The following LUZP2 variants were observed in gnomAD, a reference collection of about 807,000 sequenced individuals.
The protein encoded by LUZP2 is leucine zipper protein 2.
A neutral mutation model predicts 51.6 loss-of-function variants in LUZP2; 52 were observed. The ratio of observed to expected loss-of-function variants is 1.01; its 90% CI spans 0.81 to 1.27. The LOEUF is 1.27. Among genes scored for constraint, LUZP2 ranks in the 50% most tolerant of loss-of-function variants. LUZP2 has a pLI of 0.00. For synonymous variants in LUZP2, 154 were observed against 137.3 expected, an observed-to-expected ratio of 1.12 and a Z score of -0.85; for missense variants, 436 against 395.4, an observed-to-expected ratio of 1.10 and a Z score of -0.87.
In LUZP2 at chr11:24,897,875, T is replaced by G. The variant is rs117030107; in HGVS notation, c.397-8116T>G. Among the ~76,000 whole-genome samples the G allele has an allele frequency of 4.5e-3, 693 of 152,330 alleles. 3 individuals carry two copies. Among genetic ancestry groups the G allele is most frequent in the Admixed American group, 9.2e-3 (140 of 15,300 alleles). The stretch of plus-strand genomic sequence containing the variant: ...ATTCTCAAGGAGATTTTCATCTTTG[T>G]CCTCTTCCTTTTGCCTTGCCTTTAA... On this transcript the variant is annotated intron_variant, in intron 5 of 11. Coordinates refer to ENST00000336930, the MANE Select transcript of LUZP2 (RefSeq NM_001009909.4).
chr11:24,727,994 T>C (rs1325575896), intron 1 of LUZP2, among the ~76,000 whole-genome samples: 1 of 152,068 alleles, frequency 6.6e-6, no homozygotes, highest in Admixed American at 6.6e-5. Flanking sequence ...AGAAATTATA[T>C]ATGTATATAT....
intron 1 of LUZP2, among the ~76,000 whole-genome samples, chr11:24,497,765 C>A (rs1266138090): frequency 2.6e-5 from 4 of 152,148 alleles, no homozygotes; most frequent in African/African-American, 7.2e-5. Flanking sequence ...ACAGATTAAT[C>A]CTGGAAGATG....
intron 1 of LUZP2, among the ~76,000 whole-genome samples, chr11:24,675,811 A>AGTTG (rs1554971927): frequency 6.8e-6 from 1 of 147,748 alleles, no homozygotes; most frequent in Non-Finnish European, 1.5e-5. Flanking sequence ...TTATTTATTT[A>AGTTG]TTTATTTATT....
intron 1 of LUZP2, among the ~76,000 whole-genome samples, chr11:24,591,207 C>T (rs1853248469): frequency 6.6e-6 from 1 of 151,966 alleles, no homozygotes; most frequent in African/African-American, 2.4e-5. Context: ...TGGAAACATC[C>T]AAGTGGGTAA....
intron 5 of LUZP2, among the ~76,000 whole-genome samples, chr11:24,799,610 T>G (rs1314078735): frequency 6.8e-6 from 1 of 146,538 alleles, no homozygotes; most frequent in African/African-American, 2.5e-5. Flanking sequence ...AAATGAAAAA[T>G]GCAAACCAGG....
intron 9 of LUZP2, among the ~76,000 whole-genome samples, chr11:25,021,424 G>GTT (rs1384487124): frequency 7.1e-5 from 3 of 42,552 alleles, no homozygotes; most frequent in African/African-American, 1.1e-4. Context: ...GTGCACACAG[G>GTT]TTGTGTGTGT....
At chr11:24,726,471 T>C (rs1044290974) in intron 1 of LUZP2, among the ~76,000 whole-genome samples, 13 of 148,782 alleles carry the variant, frequency 8.7e-5, no homozygotes, top group African/African-American at 7.4e-5. Flanking sequence ...AATTAAAAAT[T>C]AAAAAAAAAA....
intron 3 of LUZP2, among the ~76,000 whole-genome samples, chr11:24,734,532 T>A (rs1310362916): frequency 5.9e-5 from 9 of 151,908 alleles, no homozygotes; most frequent in Non-Finnish European, 1.3e-4. Flanking sequence ...ATTAAAAACT[T>A]GTTTAAAATG....
At chr11:24,945,517 GTT>G (rs5790446) in intron 7 of LUZP2, among the ~76,000 whole-genome samples, 1,628 of 140,524 alleles carry the variant, frequency 0.012, 27 homozygotes, top group East Asian at 0.072. Flanking sequence ...AAATTTGCCT[GTT>G]TTTTTTTTTT....
At chr11:24,793,228 T>C (rs1849454654) in intron 5 of LUZP2, among the ~76,000 whole-genome samples, 1 of 152,148 alleles carries the variant, frequency 6.6e-6, no homozygotes, top group African/African-American at 2.4e-5. Context: ...CCTTTCCTTG[T>C]GTCAAAGTTC....
At chr11:24,752,849 A>G (rs1859644385) in intron 4 of LUZP2, among the ~76,000 whole-genome samples, 1 of 152,162 alleles carries the variant, frequency 6.6e-6, no homozygotes, top group South Asian at 2.1e-4. Context: ...TAAATTTAAT[A>G]ATTTAATTTT....
At chr11:24,550,817 T>C (rs912080047) in intron 1 of LUZP2, among the ~76,000 whole-genome samples, 1 of 152,042 alleles carries the variant, frequency 6.6e-6, no homozygotes, top group Non-Finnish European at 1.5e-5. Context: ...CTTATACCTG[T>C]AATCCCAGCA....
chr11:24,566,009 G>T (rs1852200738), intron 1 of LUZP2, among the ~76,000 whole-genome samples: 2 of 151,732 alleles, frequency 1.3e-5, no homozygotes, highest in South Asian at 4.1e-4. Context: ...CAAAATAATT[G>T]TAATGTAAAC....
At chr11:25,036,113 TAGA>T (rs1268281835) in intron 9 of LUZP2, among the ~76,000 whole-genome samples, 2 of 152,116 alleles carry the variant, frequency 1.3e-5, no homozygotes, top group Non-Finnish European at 2.9e-5. Flanking sequence ...TTTTGCCTGA[TAGA>T]TTCTTTATTG....
At chr11:24,743,412 G>A (rs1297922438) in intron 4 of LUZP2, among the ~76,000 whole-genome samples, 3 of 151,956 alleles carry the variant, frequency 2.0e-5, no homozygotes, top group East Asian at 1.9e-4. Flanking sequence ...TGCCTCCTTG[G>A]TTAGGTATAT....
rs559992279 is a variant in LUZP2 at position 24,655,135 on chromosome 11, C to G, written c.63-74034C>G. Among the ~76,000 whole-genome samples, 109 of 152,198 alleles carry G rather than the reference C, an allele frequency of 7.2e-4. 1 individual carries two copies. The highest frequency in any genetic ancestry group is 2.5e-3 in the African/African-American group (102 of 41,540). ...AATTAACCATGCAAAAGAAAAGATG[C>G]TTTCATTGAAACATCTTTGTTTCTA... On this transcript the variant is annotated intron_variant, in intron 1 of 11. Coordinates refer to ENST00000336930, the MANE Select transcript of LUZP2 (RefSeq NM_001009909.4).
intron 5 of LUZP2, among the ~76,000 whole-genome samples, chr11:24,791,079 A>G (rs1229905339): frequency 6.6e-6 from 1 of 152,198 alleles, no homozygotes; most frequent in East Asian, 1.9e-4. Flanking sequence ...GACATCCAAC[A>G]TCAGTGTCTC....
chr11:24,728,853 G>A (rs960749823), intron 1 of LUZP2, among the ~76,000 whole-genome samples: 4 of 151,948 alleles, frequency 2.6e-5, no homozygotes, highest in Non-Finnish European at 4.4e-5. Context: ...TGGATTCCAC[G>A]TGGCTGGGGA....
intron 5 of LUZP2, among the ~76,000 whole-genome samples, chr11:24,857,275 A>G (rs1241730718): frequency 2.1e-4 from 3 of 14,298 alleles, no homozygotes; most frequent in Non-Finnish European, 5.1e-4. Flanking sequence ...TCATGGGGAT[A>G]TATATATATA....
Sources: allele counts gnomAD v4.1 joint callset (sites outside exome capture counted in the v4.1 genomes callset), GRCh38; gene constraint gnomAD v4.1.1; transcripts MANE v1.5; gene names NCBI Gene and HGNC (gene_info 2026-07-23, HGNC 2026-07-21).